The following PCDHA1 variants were observed in gnomAD, a reference collection of about 807,000 sequenced individuals.
PCDHA1 encodes protocadherin alpha 1.
A neutral mutation model predicts 61.3 loss-of-function variants in PCDHA1; 42 were observed. That is an observed-to-expected ratio of 0.69 (90% CI 0.54 to 0.89). The LOEUF is 0.89. Among genes scored for constraint, PCDHA1 ranks in the 40% least tolerant of loss-of-function variants. The probability of loss-of-function intolerance (pLI) is 0.00; values close to 1 mark genes in which losing one functional copy is unlikely to be tolerated. For missense variants in PCDHA1, 1,256 were observed against 1,235.3 expected (o/e 1.02, Z -0.25); for synonymous variants, 610 against 553.8 (o/e 1.10, Z -1.43).
chr5:140,917,333 G>GT (rs1401985588), intron 1 of PCDHA1, among the ~76,000 whole-genome samples: 2 of 148,632 alleles, frequency 1.3e-5, no homozygotes, highest in Admixed American at 6.7e-5. Context: ...GCGGGGGAGG[G>GT]GGGGGATGGT....
intron 3 of PCDHA1, among the ~76,000 whole-genome samples, chr5:140,994,922 G>A (rs184710391): frequency 4.6e-5 from 7 of 152,342 alleles, no homozygotes; most frequent in African/African-American, 9.6e-5. Context: ...ATCAGATTTT[G>A]TAGGACCTTA....
chr5:140,853,011 T>C, intron 1 of PCDHA1: 1 of 283,070 alleles, frequency 3.5e-6, no homozygotes, highest in African/African-American at 2.3e-5. Context: ...CCCGAGTAGC[T>C]GGGACTACAG....
chr5:140,967,898 G>A (rs751530394), intron 1 of PCDHA1: 9 of 1,614,046 alleles, frequency 5.6e-6, no homozygotes, highest in Non-Finnish European at 7.6e-6. Context: ...GCCTGAGAAT[G>A]CTACACCCAA....
intron 1 of PCDHA1, among the ~76,000 whole-genome samples, chr5:140,906,524 G>A (rs1401305370): frequency 2.0e-5 from 3 of 152,156 alleles, no homozygotes; most frequent in Non-Finnish European, 2.9e-5. Context: ...AAATACTCAC[G>A]ACAATTAAAA....
Position 140,971,209 on chromosome 5 carries a change from C to A in PCDHA1, c.2395-7740C>A, listed in dbSNP as rs147218200. 2.2e-3 allele frequency among the ~76,000 whole-genome samples: 328 copies of A among 152,236 alleles called. 3 individuals are homozygous for A. Among genetic ancestry groups the A allele is most frequent in the African/African-American group, 7.7e-3 (319 of 41,534 alleles). Reference sequence around the variant, plus strand: ...AAGCTCAGAGGAAAGACACTGTTACCCTCCCTCTCCTGACTCAAAGCTTGG... The same window carrying A: ...AAGCTCAGAGGAAAGACACTGTTACACTCCCTCTCCTGACTCAAAGCTTGG... On this transcript the variant is annotated intron_variant, in intron 1 of 3. Coordinates refer to ENST00000504120, the MANE Select transcript of PCDHA1 (RefSeq NM_018900.4).
At chr5:140,985,129 G>T (rs545746675) in intron 3 of PCDHA1, among the ~76,000 whole-genome samples, 15 of 152,188 alleles carry the variant, frequency 9.9e-5, no homozygotes, top group Admixed American at 8.5e-4. Context: ...AGTAAAGACG[G>T]GGTTTCACCG....
chr5:140,868,272 A>C (rs1050467999), intron 1 of PCDHA1: 1 of 152,090 alleles, frequency 6.6e-6, no homozygotes, highest in Non-Finnish European at 1.5e-5. Context: ...CTTTTTTAAA[A>C]CTACCAAGTT....
chr5:140,829,810 T>G (rs144082627), intron 1 of PCDHA1: 1 of 1,613,750 alleles, frequency 6.2e-7, no homozygotes, highest in African/African-American at 1.3e-5. Flanking sequence ...TGGGTGGTAC[T>G]GGTGGTGCAG....
chr5:140,820,699 T>G (rs2150107645), intron 1 of PCDHA1, among the ~76,000 whole-genome samples: 7 of 152,096 alleles, frequency 4.6e-5, no homozygotes, highest in African/African-American at 1.7e-4. Context: ...GATATTCTTT[T>G]CAACATGATT....
chr5:140,992,352 G>C (rs1554252825), intron 3 of PCDHA1, among the ~76,000 whole-genome samples: 1 of 152,162 alleles, frequency 6.6e-6, no homozygotes, highest in African/African-American at 2.4e-5. Context: ...TGTGGAGAGA[G>C]GAGAAAAATG....
chr5:140,999,040 G>A (rs1450256691), intron 3 of PCDHA1, among the ~76,000 whole-genome samples: 2 of 152,218 alleles, frequency 1.3e-5, no homozygotes, highest in African/African-American at 2.4e-5. Context: ...TTCGTCCAGT[G>A]TGCTTTCCAC....
intron 1 of PCDHA1, among the ~76,000 whole-genome samples, chr5:140,827,091 A>T (rs2150146317): frequency 6.6e-6 from 1 of 152,332 alleles, no homozygotes; most frequent in East Asian, 1.9e-4. Flanking sequence ...ACTATTTTCT[A>T]GGAGTCAGCA....
chr5:140,852,582 ATT>A (rs527656692), intron 1 of PCDHA1: 197 of 691,142 alleles, frequency 2.9e-4, no homozygotes, highest in Middle Eastern at 7.5e-4. Context: ...AGGCTTTTTT[ATT>A]TTTTTTTTTT....
rs200441286 is a variant in PCDHA1, at chr5:140,856,169, G to A, written c.2394+67485G>A. 1.9e-6 allele frequency: 3 copies of A among 1,598,230 alleles called. 1 individual carries two copies. The highest frequency in any genetic ancestry group is 2.6e-6 in the Non-Finnish European group (3 of 1,167,916). On this transcript the variant is annotated intron_variant, in intron 1 of 3. Transcript: ENST00000504120. ...CTCAGTCTACGAGGAGGCCAGACACGGCACCTTCGTGGGCCGCATCGCGCA... is the reference window on the plus strand; with the variant it reads ...CTCAGTCTACGAGGAGGCCAGACACAGCACCTTCGTGGGCCGCATCGCGCA...
intron 1 of PCDHA1, chr5:140,815,189 A>T (rs1348855581): frequency 6.6e-6 from 1 of 152,164 alleles, no homozygotes; most frequent in Admixed American, 6.5e-5. Flanking sequence ...TTTTATTTAA[A>T]GTAATTATTG....
chr5:140,823,467 G>T, intron 1 of PCDHA1: 1 of 1,613,490 alleles, frequency 6.2e-7, no homozygotes. Flanking sequence ...CGCCGGCGCT[G>T]CTGGTGCCTC....
At chr5:140,929,093 A>G in intron 1 of PCDHA1, 1 of 1,614,194 alleles carries the variant, frequency 6.2e-7, no homozygotes, top group Non-Finnish European at 8.5e-7. Flanking sequence ...ATGGTTTCAA[A>G]TCCTTGCATG....
chr5:140,857,165 G>A (rs1554149609), intron 1 of PCDHA1: 2 of 1,598,302 alleles, frequency 1.3e-6, no homozygotes, highest in African/African-American at 2.7e-5. Flanking sequence ...CCTAATCAGC[G>A]TTTCTGACCA....
At chr5:140,857,673 C>T (rs372854727) in intron 1 of PCDHA1, 3 of 1,596,826 alleles carry the variant, frequency 1.9e-6, no homozygotes, top group Non-Finnish European at 2.6e-6. Context: ...GGGGGCGTGC[C>T]GCCTCTGGGC....
Sources: allele counts gnomAD v4.1 joint callset (sites outside exome capture counted in the v4.1 genomes callset), GRCh38; gene constraint gnomAD v4.1.1; transcripts MANE v1.5; gene names NCBI Gene and HGNC (gene_info 2026-07-23, HGNC 2026-07-21).